Variants in TRIT1 observed in about 807,000 individuals in gnomAD.
TRIT1 encodes tRNA dimethylallyltransferase.
In TRIT1, 43 loss-of-function variants were observed where a neutral mutation model predicts 51.2. The observed-to-expected ratio is 0.84, with a 90% CI of 0.66 to 1.08. The LOEUF (loss-of-function observed/expected upper bound fraction) is 1.08. TRIT1 is among the 50% of genes least tolerant of loss of function. The pLI, the probability that TRIT1 is intolerant of heterozygous loss-of-function variation, is 0.00. For synonymous variants in TRIT1, 184 were observed against 203.9 expected, an observed-to-expected ratio of 0.90 and a Z score of 0.83; for missense variants, 528 against 578.4, an observed-to-expected ratio of 0.91 and a Z score of 0.89.
At chr1:39,844,251 T>A in intron 9 of TRIT1, 33 bp from the exon 10 acceptor site, 8 of 1,503,704 alleles carry the variant, frequency 5.3e-6, no homozygotes, top group Non-Finnish European at 7.4e-6. Context: ...GAGTATTCAA[T>A]TCAAAGAGAT....
intron 1 of TRIT1, 103 bp downstream of exon 1, chr1:39,883,215 C>G: frequency 7.8e-7 from 1 of 1,285,314 alleles, no homozygotes; most frequent in South Asian, 1.4e-5. Context: ...CCTACCCCCT[C>G]CGCCCCTACA....
chr1:39,879,309 C>G (rs1557589354), intron 1 of TRIT1, among the ~76,000 whole-genome samples: 2 of 152,006 alleles, frequency 1.3e-5, no homozygotes, highest in Non-Finnish European at 2.9e-5. Flanking sequence ...TTGAACCCCA[C>G]AGCCCCTGGT....
At position 39,840,482 on chromosome 1, in the gene TRIT1, C is replaced by T. The variant is rs1034379962; in HGVS notation, c.*1262G>A. 1.7e-4 allele frequency among the ~76,000 whole-genome samples: 26 copies of T among 152,296 alleles called. No individual in the cohort carries two copies. Among genetic ancestry groups the T allele is most frequent in the African/African-American group, 4.3e-4 (18 of 41,560 alleles). ...AAACTGAAATTCTACACAGCTCTTA[C>T]GGCCTTTGATACTGTCTTGCCTGGA... On this transcript the variant is annotated 3_prime_UTR_variant, in exon 11 of 11. Coordinates refer to ENST00000316891, the MANE Select transcript of TRIT1 (RefSeq NM_017646.6).
At chr1:39,852,000 T>C (rs1434336551) in intron 4 of TRIT1, among the ~76,000 whole-genome samples, 1 of 151,790 alleles carries the variant, frequency 6.6e-6, no homozygotes, top group Non-Finnish European at 1.5e-5. Context: ...AATCCTATAT[T>C]CTAACATTAA....
At chr1:39,860,724 T>C (rs1412086415) in intron 1 of TRIT1, among the ~76,000 whole-genome samples, 2 of 152,180 alleles carry the variant, frequency 1.3e-5, no homozygotes, top group Admixed American at 6.5e-5. Flanking sequence ...GATATATGGG[T>C]AGTTCATTTC....
intron 1 of TRIT1, among the ~76,000 whole-genome samples, chr1:39,869,827 C>T (rs1365429260): frequency 2.6e-5 from 4 of 152,012 alleles, no homozygotes; most frequent in Admixed American, 6.6e-5. Context: ...CCCCTCCGCC[C>T]GGCAGCCGCC....
chr1:39,862,502 G>A (rs1259165411), intron 1 of TRIT1, among the ~76,000 whole-genome samples: 2 of 152,042 alleles, frequency 1.3e-5, no homozygotes, highest in African/African-American at 4.8e-5. Flanking sequence ...TTTTATTATT[G>A]TATTGAGCTG....
intron 2 of TRIT1, among the ~76,000 whole-genome samples, chr1:39,856,081 T>G (rs1027077359): frequency 3.3e-5 from 5 of 151,950 alleles, no homozygotes; most frequent in Non-Finnish European, 5.9e-5. Context: ...CCGAGGCAGG[T>G]GGATCACGAG....
rs1370700120 is a variant in TRIT1, at chr1:39,844,165, G to C, written c.1170C>G (p.Asn390Lys). The C allele has an allele frequency of 1.2e-6, 2 of 1,614,218 alleles. No individual in the cohort carries two copies. The highest frequency in any genetic ancestry group is 1.1e-5 in the South Asian group (1 of 91,088). Residue 390 changes from asparagine (N) to lysine (K), a missense_variant, in exon 10 of 11, where the codon AAC (asparagine) becomes AAG (lysine). Around this residue, in one of 3 missense-constraint regions of TRIT1, gnomAD observed 468 missense variants for 522.6 expected, o/e 0.90. Transcript: ENST00000316891. ...PIKMPYNEAE[N>K]KRSYHLCDLC... The stretch of plus-strand genomic sequence containing the variant: ...GGTCACACAGGTGATAACTTCTCTT[G>C]TTCTCAGCTTCATTGTATGGCATCT...
chr1:39,877,020 A>C lies in TRIT1; in HGVS notation c.174+6298T>G, dbSNP rs80022805. Among the ~76,000 whole-genome samples the C allele has an allele frequency of 2.1e-4, 7 of 32,774 alleles. No individual in the cohort carries two copies. In the African/African-American group the frequency reaches 2.4e-3, roughly 11 times the overall value. The allele number at this position is 32,774 out of a possible 152,430, so 21.5% of individuals were successfully genotyped here. A position where few individuals can be genotyped will look rare whatever the true frequency, so the allele number is the denominator to read the frequency against. ...CTTTTCTCCTGGTTAATGGGTCTTC[A>C]AAAAAAAAAAAAAAAAAAAAAAAAC... On this transcript the variant is annotated intron_variant, in intron 1 of 10. Coordinates refer to ENST00000316891, the MANE Select transcript of TRIT1 (RefSeq NM_017646.6).
rs1357414818 is a variant in TRIT1, at chr1:39,839,679, C to T, written c.*2065G>A. Among the ~76,000 whole-genome samples, 1 of 152,140 alleles carries T rather than the reference C, an allele frequency of 6.6e-6. No individual in the cohort carries two copies. The highest frequency in any genetic ancestry group is 1.9e-4 in the East Asian group (1 of 5,196). On this transcript the variant is annotated 3_prime_UTR_variant, in exon 11 of 11. Coordinates refer to ENST00000316891, the MANE Select transcript of TRIT1 (RefSeq NM_017646.6). Reference sequence around the variant, plus strand: ...AATTTCTAAGAATATGAACAGTGGGCTCAACCACACTGCCTTACACTTAGT... The same window carrying T: ...AATTTCTAAGAATATGAACAGTGGGTTCAACCACACTGCCTTACACTTAGT...
At chr1:39,869,794 C>T (rs1359440364) in intron 1 of TRIT1, among the ~76,000 whole-genome samples, 12 of 151,798 alleles carry the variant, frequency 7.9e-5, no homozygotes, top group Non-Finnish European at 1.8e-4. Flanking sequence ...TCTGCCCGGC[C>T]GCCCCGTCTG....
chr1:39,863,071 C>A (rs1388629873), intron 1 of TRIT1: 1 of 361,530 alleles, frequency 2.8e-6, no homozygotes, highest in Non-Finnish European at 3.8e-6. Flanking sequence ...TAATCCACTT[C>A]ATCAATTATC....
chr1:39,878,826 A>G (rs1219478905), intron 1 of TRIT1, among the ~76,000 whole-genome samples: 2 of 152,168 alleles, frequency 1.3e-5, no homozygotes, highest in African/African-American at 2.4e-5. Flanking sequence ...TTATCCCCAA[A>G]GTACATCAGG....
intron 5 of TRIT1, among the ~76,000 whole-genome samples, chr1:39,849,555 T>C (rs879785062): frequency 6.6e-6 from 1 of 152,192 alleles, no homozygotes; most frequent in Admixed American, 6.5e-5. Flanking sequence ...ATAGTATCTA[T>C]CTCCTTGTCT....
chr1:39,844,350 T>A, intron 9 of TRIT1, 132 bp from the exon 10 acceptor site: 1 of 879,646 alleles, frequency 1.1e-6, no homozygotes, highest in Non-Finnish European at 1.8e-6. Context: ...ATACAGATTT[T>A]AGCAACAACC....
At chr1:39,881,842 G>A (rs977102479) in intron 1 of TRIT1, among the ~76,000 whole-genome samples, 2 of 152,070 alleles carry the variant, frequency 1.3e-5, no homozygotes, top group Non-Finnish European at 2.9e-5. Context: ...AGCATCTGTA[G>A]TCTCTCTCCT....
chr1:39,853,915 A>C (rs2294814), intron 3 of TRIT1, 55 bp downstream of exon 3: 594,793 of 1,220,276 alleles, frequency 0.49, 151,049 homozygotes, highest in African/African-American at 0.84. Context: ...CTGAAATTAG[A>C]CAGCAAGAAA....
chr1:39,850,387 G>C (rs780533098), intron 4 of TRIT1, 126 bp from the exon 5 acceptor site: 1 of 1,239,968 alleles, frequency 8.1e-7, no homozygotes, highest in African/African-American at 1.5e-5. Context: ...AGCCAGTCAC[G>C]ACAGTGTGCA....
Sources: allele counts gnomAD v4.1 joint callset (sites outside exome capture counted in the v4.1 genomes callset), GRCh38; gene constraint gnomAD v4.1.1; regional missense constraint gnomAD v4.1.1; transcripts MANE v1.5; gene names NCBI Gene and HGNC (gene_info 2026-07-23, HGNC 2026-07-21).